Variants in PCNX1 observed in about 807,000 individuals in gnomAD.
PCNX1 encodes pecanex-like protein 1.
Under a neutral mutation model 242.2 loss-of-function variants are expected in PCNX1, and 78 were observed. The ratio of observed to expected loss-of-function variants is 0.32; its 90% CI spans 0.27 to 0.39. The LOEUF (loss-of-function observed/expected upper bound fraction) is 0.39. Among genes scored for constraint, PCNX1 ranks in the 10% least tolerant of loss-of-function variants. The pLI is 1.00. For synonymous variants in PCNX1, 1,024 were observed against 1,032.9 expected (o/e 0.99, Z 0.17); for missense variants, 2,581 against 2,856.5 (o/e 0.90, Z 2.20).
rs2060240257 is a variant in PCNX1, at chr14:71,026,230, A to G, written c.3297A>G (p.Leu1099=). The change falls in exon 14 of 36, where the codon TTA becomes TTG. Residue 1099 remains leucine (L), a synonymous_variant. Transcript: ENST00000304743. ...ACCTGACTGCAACCAAGTTCAAATT[A>G]TATGGAATAACTTTCACCAATCCAC... ...SRNLTATKFK[L]YGITFTNPLV... 2.5e-6 allele frequency: 4 copies of G among 1,612,238 alleles called. No individual in the cohort carries two copies. Among genetic ancestry groups the G allele is most frequent in the Non-Finnish European group, 3.4e-6 (4 of 1,178,936 alleles).
intron 12 of PCNX1, among the ~76,000 whole-genome samples, chr14:71,020,842 A>G (rs528419793): frequency 3.3e-4 from 50 of 152,172 alleles, no homozygotes; most frequent in Non-Finnish European, 6.0e-4. Flanking sequence ...GGCCATGCCT[A>G]TGTCCTGAAT....
chr14:70,943,712 A>C (rs1023525936), intron 1 of PCNX1, among the ~76,000 whole-genome samples: 1 of 152,186 alleles, frequency 6.6e-6, no homozygotes, highest in Admixed American at 6.5e-5. Context: ...TCTCCAGCGC[A>C]TGTCAGAGGT....
intron 13 of PCNX1, among the ~76,000 whole-genome samples, chr14:71,024,507 A>T (rs751538737): frequency 6.6e-6 from 1 of 152,054 alleles, no homozygotes; most frequent in Non-Finnish European, 1.5e-5. Context: ...TCTTTAAAAA[A>T]ATTTTTTTTT....
chr14:71,089,058 G>A, intron 29 of PCNX1, 134 bp from the exon 30 acceptor site: 2 of 641,782 alleles, frequency 3.1e-6, no homozygotes, highest in Non-Finnish European at 5.2e-6. Context: ...CTGGTTCAGG[G>A]TTCTGACATT....
At chr14:70,913,010 T>C (rs141815911) in intron 1 of PCNX1, among the ~76,000 whole-genome samples, 183 of 152,326 alleles carry the variant, frequency 1.2e-3, no homozygotes, top group Non-Finnish European at 2.2e-3. Context: ...TTCCCTCTCT[T>C]TTTTTTCATC....
At chr14:70,937,831 C>T (rs2057072905) in intron 1 of PCNX1, among the ~76,000 whole-genome samples, 2 of 152,102 alleles carry the variant, frequency 1.3e-5, no homozygotes, top group African/African-American at 4.8e-5. Context: ...TTATAGTTCT[C>T]CTTGAAGAGG....
intron 7 of PCNX1, among the ~76,000 whole-genome samples, chr14:70,990,815 T>C (rs2059142298): frequency 6.6e-6 from 1 of 152,194 alleles, no homozygotes; most frequent in South Asian, 2.1e-4. Flanking sequence ...TTTCTGCTGA[T>C]GGATTTGGAG....
At position 70,962,343 on chromosome 14, in the gene PCNX1, C is replaced by A. The variant is rs201898482; in HGVS notation, c.468+12C>A. The A allele has an allele frequency of 2.0e-6, 3 of 1,531,694 alleles. No individual in the cohort carries two copies. In the African/African-American group the frequency reaches 4.1e-5, roughly 21 times the overall value. 94.9% of individuals were successfully genotyped at this position (1,531,694 alleles called of 1,614,324 possible). A position where few individuals can be genotyped will look rare whatever the true frequency, so the allele number is the denominator to read the frequency against. ...ATCCAAGCAACCAGGTAGGAACCTG[C>A]GCTGTTTTATTTTGCCTTTTTCCCT... is the stretch of plus-strand genomic sequence containing the variant. On this transcript the variant is annotated intron_variant, in intron 3 of 35. Coordinates refer to ENST00000304743, the MANE Select transcript of PCNX1 (RefSeq NM_014982.3).
chr14:71,074,172 C>G (rs962900206), intron 27 of PCNX1, among the ~76,000 whole-genome samples: 2 of 152,184 alleles, frequency 1.3e-5, no homozygotes, highest in Non-Finnish European at 2.9e-5. Flanking sequence ...TTAACTTGTC[C>G]AAGATCCTCT....
chr14:70,960,060 C>A (rs2058152472), intron 2 of PCNX1, among the ~76,000 whole-genome samples: 1 of 97,526 alleles, frequency 1.0e-5, no homozygotes, highest in Non-Finnish European at 2.3e-5. Flanking sequence ...GTCCTTCGCC[C>A]ACTTTTTGAT....
chr14:70,995,709 G>A, intron 7 of PCNX1, 32 bp from the exon 8 acceptor site: 1 of 1,595,134 alleles, frequency 6.3e-7, no homozygotes, highest in South Asian at 1.1e-5. Context: ...TTTCTTCCCT[G>A]TAATGTCTCC....
intron 2 of PCNX1, among the ~76,000 whole-genome samples, chr14:70,956,246 C>T (rs2057989026): frequency 6.6e-6 from 1 of 152,038 alleles, no homozygotes; most frequent in African/African-American, 2.4e-5. Context: ...AGTATGTTTT[C>T]TTAGAAAGAA....
chr14:70,954,519 C>T (rs564963828), intron 2 of PCNX1, among the ~76,000 whole-genome samples: 2 of 152,234 alleles, frequency 1.3e-5, no homozygotes, highest in East Asian at 3.9e-4. Flanking sequence ...TATTGAATCT[C>T]TCCATTTATT....
At chr14:70,966,565 A>G (rs1369863093) in intron 3 of PCNX1, among the ~76,000 whole-genome samples, 1 of 152,190 alleles carries the variant, frequency 6.6e-6, no homozygotes, top group Non-Finnish European at 1.5e-5. Flanking sequence ...TTCATTCACC[A>G]GAACTAGTTC....
intron 26 of PCNX1, among the ~76,000 whole-genome samples, chr14:71,061,648 GTGA>G (rs1267474779): frequency 6.6e-6 from 1 of 152,316 alleles, no homozygotes; most frequent in East Asian, 1.9e-4. Context: ...CTTGCTTAGG[GTGA>G]TGTCACCAAT....
intron 5 of PCNX1, among the ~76,000 whole-genome samples, chr14:70,974,081 G>A (rs1365358239): frequency 6.7e-6 from 1 of 148,316 alleles, no homozygotes; most frequent in Non-Finnish European, 1.5e-5. Context: ...TTTTTTTAAT[G>A]TGTCTGGCTT....
intron 13 of PCNX1, 151 bp from the exon 14 acceptor site, chr14:71,025,966 C>G (rs570651567): frequency 2.1e-6 from 1 of 472,064 alleles, no homozygotes; most frequent in Admixed American, 4.0e-5. Context: ...TTCCTCCTTT[C>G]TATATTTGTT....
intron 30 of PCNX1, among the ~76,000 whole-genome samples, chr14:71,097,481 T>A (rs2062323285): frequency 1.3e-5 from 2 of 152,218 alleles, no homozygotes; most frequent in African/African-American, 2.4e-5. Context: ...TTTTGACTTT[T>A]TAATAATAGT....
chr14:70,987,984 T>C (rs2059048939), intron 6 of PCNX1, among the ~76,000 whole-genome samples: 1 of 152,208 alleles, frequency 6.6e-6, no homozygotes, highest in Non-Finnish European at 1.5e-5. Context: ...TAGAGTAAAA[T>C]ATATTCATGC....
Sources: gnomAD v4.1 joint callset for allele counts (sites outside exome capture counted in the v4.1 genomes callset) on GRCh38, gnomAD v4.1.1 for gene constraint, MANE v1.5 for transcripts, NCBI Gene and HGNC (gene_info 2026-07-23, HGNC 2026-07-21) for gene names.